SELE: variants seen among roughly 807,000 people sequenced by gnomAD.
SELE encodes the protein E-selectin.
A neutral mutation model predicts 75.8 loss-of-function variants in SELE; 52 were observed. The observed-to-expected ratio is 0.69, with a 90% CI of 0.55 to 0.86. The LOEUF is 0.86. Among genes scored for constraint, SELE ranks in the 40% least tolerant of loss-of-function variants. SELE has a pLI of 0.00. For synonymous variants in SELE, 285 were observed against 258.7 expected, an observed-to-expected ratio of 1.10 and a Z score of -0.98; for missense variants, 754 against 732.7, an observed-to-expected ratio of 1.03 and a Z score of -0.34.
chr1:169,731,980 C>T, intron 3 of SELE, 38 bp from the exon 4 acceptor site: 1 of 1,346,216 alleles, frequency 7.4e-7, no homozygotes, highest in Non-Finnish European at 1.1e-6. Context: ...AGGACTATTA[C>T]TGTGCTTATA....
chr1:169,730,330 A>C (rs879357693), intron 5 of SELE, 102 bp downstream of exon 5: 7 of 1,153,072 alleles, frequency 6.1e-6, no homozygotes, highest in Non-Finnish European at 8.4e-6. Flanking sequence ...AAAAACAAAA[A>C]AAAAACTTTC....
Position 169,727,936 on chromosome 1 carries a change from C to G in SELE, c.1280-9G>C. The G allele has an allele frequency of 6.2e-7, 1 of 1,608,956 alleles. No homozygotes were observed. Among genetic ancestry groups the G allele is most frequent in the Non-Finnish European group, 8.5e-7 (1 of 1,177,290 alleles). On this transcript the variant is annotated splice_polypyrimidine_tract_variant and intron_variant, in intron 8 of 13. Transcript: ENST00000333360. ...AGCATCGCATCTCACAGCTGGAACA[C>G]ACGAGAGAGCACTTTAGAAGTTTGT...
chr1:169,732,290 AT>A (rs137925674), intron 3 of SELE, among the ~76,000 whole-genome samples: 11,735 of 149,752 alleles, frequency 0.078, 557 homozygotes, highest in Non-Finnish European at 0.11. Flanking sequence ...ATTTATATAT[AT>A]TTTATATATA....
intron 4 of SELE, 106 bp downstream of exon 4, chr1:169,731,729 A>G: frequency 1.4e-6 from 1 of 724,340 alleles, no homozygotes; most frequent in Non-Finnish European, 2.5e-6. Context: ...ATATGACACC[A>G]TCTGCACCAG....
chr1:169,728,577 G>A (rs1421093013), intron 7 of SELE, among the ~76,000 whole-genome samples: 3 of 152,176 alleles, frequency 2.0e-5, no homozygotes, highest in Non-Finnish European at 4.4e-5. Context: ...CAAAAAGAAA[G>A]AAAAGAAAGC....
In SELE at chr1:169,725,729, C is replaced by A. The variant is rs1648722361; in HGVS notation, c.*15G>T. On this transcript the variant is annotated splice_region_variant and 3_prime_UTR_variant, in exon 13 of 14. Transcript: ENST00000333360. The stretch of plus-strand genomic sequence containing the variant: ...ACCATTTGTGATTTACAAGTCTTAC[C>A]TGATTCTTTTGAACTTAAAGGATGT... 6.2e-7 allele frequency: 1 copy of A among 1,611,750 alleles called. No individual in the cohort carries two copies. Among genetic ancestry groups the A allele is most frequent in the Admixed American group, 1.7e-5 (1 of 59,980 alleles).
In SELE at chr1:169,726,828, A is replaced by G. The variant is rs748808507; in HGVS notation, c.1646-22T>C. 5.2e-6 allele frequency: 8 copies of G among 1,545,600 alleles called. No homozygotes were observed. The East Asian group carries it at 1.8e-4, about 35-fold the overall frequency. On this transcript the variant is annotated intron_variant, in intron 10 of 13. Coordinates refer to ENST00000333360, the MANE Select transcript of SELE (RefSeq NM_000450.2). Reference sequence around the variant, plus strand: ...GGAGCTAAGGAAGTAAGAGACGAAGAAAGGTCATGAGGAAGAATTGATGTT... The same window carrying G: ...GGAGCTAAGGAAGTAAGAGACGAAGGAAGGTCATGAGGAAGAATTGATGTT...
chr1:169,731,581 A>G, intron 4 of SELE: 1 of 379,326 alleles, frequency 2.6e-6, no homozygotes, highest in Non-Finnish European at 4.9e-6. Flanking sequence ...AGTTCACACT[A>G]TTATTATCCT....
intron 2 of SELE, 96 bp downstream of exon 2, chr1:169,733,480 T>C (rs1296814138): frequency 8.1e-7 from 1 of 1,235,410 alleles, no homozygotes; most frequent in Non-Finnish European, 1.2e-6. Flanking sequence ...CTGCCAGATA[T>C]CCTGTGCAGG....
chr1:169,733,553 T>C (rs756234497), intron 2 of SELE, 23 bp downstream of exon 2: 1 of 1,608,496 alleles, frequency 6.2e-7, no homozygotes, highest in South Asian at 1.1e-5. Flanking sequence ...ATGAGAAATC[T>C]TGGTCTAATG....
At chr1:169,731,603 G>A (rs1245286455) in intron 4 of SELE, 2 of 433,672 alleles carry the variant, frequency 4.6e-6, no homozygotes, top group Non-Finnish European at 8.5e-6. Flanking sequence ...ATTTTACAAT[G>A]AGAAAACTGA....
chr1:169,727,502 C>G lies in SELE; in HGVS notation c.1492G>C (p.Val498Leu). 1 of 1,613,970 alleles carries G rather than the reference C, an allele frequency of 6.2e-7. No homozygotes were observed. ...CQVVKCSSLA[V>L]PGKINMSCSG... ...CAGCTCATGTTGATCTTTCCCGGAA[C>G]TGCCAGGCTTGAACATTTTACCACT... Residue 498 changes from valine to leucine, a missense_variant, in exon 10 of 14, where the codon GTT becomes CTT. Transcript: ENST00000333360.
At chr1:169,731,279 C>T (rs766131107) in intron 4 of SELE, among the ~76,000 whole-genome samples, 30 of 152,172 alleles carry the variant, frequency 2.0e-4, no homozygotes, top group Non-Finnish European at 3.5e-4. Flanking sequence ...CTGCACAACG[C>T]TGTGCTAAGG....
chr1:169,725,897 T>G lies in SELE; in HGVS notation c.1775+10A>C, dbSNP rs1330892081. On this transcript the variant is annotated intron_variant, in intron 12 of 13. Coordinates refer to ENST00000333360, the MANE Select transcript of SELE (RefSeq NM_000450.2). ...TTCAATGGCATGCTTTGTATAAGAA[T>G]GCAACTTACCTGGCAGGAACAAATT... 1 of 1,614,056 alleles carries G rather than the reference T, an allele frequency of 6.2e-7. No homozygotes were observed. The highest frequency in any genetic ancestry group is 1.1e-5 in the South Asian group (1 of 91,080).
chr1:169,729,730 A>G (rs1648862712), intron 5 of SELE, 57 bp from the exon 6 acceptor site: 8 of 1,561,704 alleles, frequency 5.1e-6, no homozygotes, highest in South Asian at 1.2e-5. Context: ...TTCACTTCCT[A>G]TTGAGCTGGG....
At chr1:169,726,630 A>G in intron 11 of SELE, 69 bp downstream of exon 11, 2 of 1,059,142 alleles carry the variant, frequency 1.9e-6, no homozygotes. Flanking sequence ...AAGCAAGACC[A>G]TGACTTATCA....
intron 5 of SELE, among the ~76,000 whole-genome samples, chr1:169,730,194 C>T (rs967004448): frequency 6.6e-6 from 1 of 152,040 alleles, no homozygotes; most frequent in Admixed American, 6.6e-5. Flanking sequence ...TTTATGGTCT[C>T]CCTTACAAAT....
At chr1:169,731,696 C>G in intron 4 of SELE, 139 bp downstream of exon 4, 2 of 592,446 alleles carry the variant, frequency 3.4e-6, no homozygotes, top group Non-Finnish European at 6.1e-6. Flanking sequence ...GGTCTGACTT[C>G]ATAGTCTCAG....
At chr1:169,729,438 G>T in intron 6 of SELE, 50 bp downstream of exon 6, 2 of 1,608,866 alleles carry the variant, frequency 1.2e-6, no homozygotes, top group Non-Finnish European at 1.7e-6. Flanking sequence ...TTCCAGTATG[G>T]GTTGAGAGAA....
Sources: allele counts gnomAD v4.1 joint callset (sites outside exome capture counted in the v4.1 genomes callset), GRCh38; gene constraint gnomAD v4.1.1; transcripts MANE v1.5; gene names NCBI Gene and HGNC (gene_info 2026-07-23, HGNC 2026-07-21).